VSIG10L2: variants seen among roughly 807,000 people sequenced by gnomAD.
VSIG10L2 encodes the protein V-set and immunoglobulin domain-containing protein 10-like 2.
In VSIG10L2, 56 loss-of-function variants were observed where a neutral mutation model predicts 67.1. The ratio of observed to expected loss-of-function variants is 0.83; its 90% CI spans 0.67 to 1.04. VSIG10L2 has a LOEUF of 1.04. Among genes scored for constraint, VSIG10L2 ranks in the 50% least tolerant of loss-of-function variants. The pLI is 0.00. For synonymous variants in VSIG10L2, 360 were observed against 396.6 expected (o/e 0.91, Z 1.10); for missense variants, 843 against 932.8 (o/e 0.90, Z 1.25).
chr11:125,951,892 T>C lies in VSIG10L2; in HGVS notation c.1314T>C (p.Pro438=), dbSNP rs765535481. 1.3e-6 allele frequency: 2 copies of C among 1,535,002 alleles called. No homozygotes were observed. Among genetic ancestry groups the C allele is most frequent in the Non-Finnish European group, 1.7e-6 (2 of 1,146,226 alleles). The change falls in exon 6 of 12, where the codon CCT becomes CCC. Residue 438 remains proline, a synonymous_variant. Transcript: ENST00000686984. The stretch of plus-strand genomic sequence containing the variant: ...TCATCATGCTGAGCTGCGAGTGGCC[T>C]GGCGGCGAGCCCCCTGCCACGCTGG... ...DQFIMLSCEW[P]GGEPPATLGW...
intron 7 of VSIG10L2, 112 bp from the exon 8 acceptor site, chr11:125,953,975 C>A: frequency 1.1e-6 from 1 of 949,636 alleles, no homozygotes; most frequent in Non-Finnish European, 1.4e-6. Flanking sequence ...GACCCCAATC[C>A]AGTGCCTTGT....
chr11:125,951,776 C>T (rs1945375385), intron 5 of VSIG10L2, 37 bp from the exon 6 acceptor site: 1 of 1,443,622 alleles, frequency 6.9e-7, no homozygotes, highest in Non-Finnish European at 9.1e-7. Context: ...GCCCTTCCTC[C>T]TTCCACAGGG....
chr11:125,947,946 G>A lies in VSIG10L2; in HGVS notation c.343G>A (p.Gly115Ser). 1 of 1,232,334 alleles carries A rather than the reference G, an allele frequency of 8.1e-7. No individual in the cohort carries two copies. The highest frequency in any genetic ancestry group is 1.0e-6 in the Non-Finnish European group (1 of 988,098). 76.3% of individuals were successfully genotyped at this position (1,232,334 alleles called of 1,614,324 possible). ...CCTGGTGCTGGGGGAGCTTCACGAG[G>A]GTGCCCGTGGCCACTTCCTATGCCA... is the stretch of plus-strand genomic sequence containing the variant. ...SSLVLGELHE[G>S]ARGHFLCQVL... The change falls in exon 2 of 12, where the codon GGT (glycine) becomes AGT (serine). Residue 115 changes from glycine to serine, a missense_variant. This residue lies in a region of VSIG10L2 where 446 missense variants were observed against 548.4 expected (regional missense o/e 0.81). Coordinates refer to ENST00000686984, the MANE Select transcript of VSIG10L2 (RefSeq NM_001365077.2).
At chr11:125,952,204 G>C (rs1945387770) in intron 6 of VSIG10L2, 131 bp downstream of exon 6, 1 of 1,267,818 alleles carries the variant, frequency 7.9e-7, no homozygotes, top group Non-Finnish European at 1.0e-6. Flanking sequence ...GGGAAGCTAG[G>C]AGGTAGTTAG....
rs1049884323 is a variant in VSIG10L2, at chr11:125,955,712, C to T, written c.2284+45C>T. The T allele has an allele frequency of 3.4e-6, 5 of 1,477,676 alleles. No homozygotes were observed. The Admixed American group carries it at 5.9e-5, about 17-fold the overall frequency. 91.5% of individuals were successfully genotyped at this position (1,477,676 alleles called of 1,614,324 possible). On this transcript the variant is annotated intron_variant, in intron 11 of 11. Coordinates refer to ENST00000686984, the MANE Select transcript of VSIG10L2 (RefSeq NM_001365077.2). ...AAAGACGACTCGTGTACAAGGAGAC[C>T]AGTGCTGGGTGCTGAGGGTGATGCT...
chr11:125,953,700 G>T lies in VSIG10L2; in HGVS notation c.1786+10G>T. Reference sequence around the variant, plus strand: ...CTGCTGGAGGTCCTGAGTGAGTGAGGGGTTGAATGCGTGTGTGTGGTGAGG... The same window carrying T: ...CTGCTGGAGGTCCTGAGTGAGTGAGTGGTTGAATGCGTGTGTGTGGTGAGG... On this transcript the variant is annotated intron_variant, in intron 7 of 11. Coordinates refer to ENST00000686984, the MANE Select transcript of VSIG10L2 (RefSeq NM_001365077.2). 1 of 1,232,234 alleles carries T rather than the reference G, an allele frequency of 8.1e-7. No individual in the cohort carries two copies. The highest frequency in any genetic ancestry group is 4.1e-5 in the South Asian group (1 of 24,302). 76.3% of individuals were successfully genotyped at this position (1,232,234 alleles called of 1,614,324 possible).
At chr11:125,953,997 G>C (rs1945415102) in intron 7 of VSIG10L2, 90 bp from the exon 8 acceptor site, 1 of 1,105,166 alleles carries the variant, frequency 9.0e-7, no homozygotes, top group African/African-American at 1.6e-5. Flanking sequence ...CACACTGCCA[G>C]GCTGTCTCTT....
At chr11:125,954,601 G>A (rs969308789) in intron 8 of VSIG10L2, among the ~76,000 whole-genome samples, 2 of 152,152 alleles carry the variant, frequency 1.3e-5, no homozygotes, top group African/African-American at 4.8e-5. Context: ...GCTCCAGGCT[G>A]AGGGTTAGGA....
chr11:125,955,343 C>T (rs1245424587), intron 9 of VSIG10L2, among the ~76,000 whole-genome samples, 139 bp from the exon 10 acceptor site: 8 of 152,194 alleles, frequency 5.3e-5, no homozygotes, highest in African/African-American at 1.9e-4. Context: ...GGCTCTAACC[C>T]CCAACCCAGG....
In VSIG10L2 at chr11:125,950,996, C is replaced by T. The variant is rs1029857844; in HGVS notation, c.1072C>T (p.Pro358Ser). Residue 358 changes from proline (P) to serine (S), a missense_variant, in exon 5 of 12, where the codon CCT (proline) becomes TCT (serine). Coordinates refer to ENST00000686984, the MANE Select transcript of VSIG10L2 (RefSeq NM_001365077.2). ...LLCAWPGGLP[P>S]AQLQWEGPQG... is the part of the protein sequence containing the mutation. ...CTGTGCCTGGCCTGGGGGGCTTCCG[C>T]CTGCCCAACTGCAGTGGGAAGGGCC... 11 of 1,232,288 alleles carry T rather than the reference C, an allele frequency of 8.9e-6. No individual in the cohort carries two copies. In the African/African-American group the frequency reaches 1.6e-4, roughly 17 times the overall value. 76.3% of individuals were successfully genotyped at this position (1,232,288 alleles called of 1,614,324 possible).
Position 125,951,023 on chromosome 11 carries a change from C to G in VSIG10L2, c.1099C>G (p.Gln367Glu). Residue 367 changes from glutamine to glutamate, a missense_variant, in exon 5 of 12, where the codon CAG becomes GAG. Around this residue, in one of 2 missense-constraint regions of VSIG10L2, gnomAD observed 446 missense variants for 548.4 expected, o/e 0.81. Coordinates refer to ENST00000686984, the MANE Select transcript of VSIG10L2 (RefSeq NM_001365077.2). ...PPAQLQWEGP[Q>E]GPGPTAPSNV... ...TGCCCAACTGCAGTGGGAAGGGCCT[C>G]AGGGACCTGGCCCTACTGCCCCCAG... is the stretch of plus-strand genomic sequence containing the variant. 8.1e-7 allele frequency: 1 copy of G among 1,232,490 alleles called. No individual in the cohort carries two copies. Among genetic ancestry groups the G allele is most frequent in the Non-Finnish European group, 1.0e-6 (1 of 988,234 alleles). 76.3% of individuals were successfully genotyped at this position (1,232,490 alleles called of 1,614,324 possible).
chr11:125,953,350 T>G, intron 6 of VSIG10L2, 50 bp from the exon 7 acceptor site: 2 of 1,228,958 alleles, frequency 1.6e-6, no homozygotes, highest in Non-Finnish European at 2.0e-6. Context: ...GGCCAGCACC[T>G]TGTCCCCAAG....
chr11:125,952,663 T>C (rs1203310362), intron 6 of VSIG10L2, among the ~76,000 whole-genome samples: 1 of 152,258 alleles, frequency 6.6e-6, no homozygotes, highest in Admixed American at 6.5e-5. Context: ...CAGAAGTCAG[T>C]TCTCTACCTC....
intron 8 of VSIG10L2, among the ~76,000 whole-genome samples, chr11:125,954,680 C>G (rs1945428635): frequency 6.6e-6 from 1 of 152,204 alleles, no homozygotes; most frequent in South Asian, 2.1e-4. Flanking sequence ...GGAGCCGACT[C>G]TGTGCCTCAG....
rs374706653 is a variant in VSIG10L2 at position 125,956,042 on chromosome 11, A to G, written c.*128A>G. 1.5e-6 allele frequency: 1 copy of G among 677,808 alleles called. No homozygotes were observed. 42.0% of individuals were successfully genotyped at this position (677,808 alleles called of 1,614,324 possible). ...CAACTACCACTTTCACTTAATACCC[A>G]GTCTTCACAACTGGTACAAGGCCCA... On this transcript the variant is annotated 3_prime_UTR_variant, in exon 12 of 12. Coordinates refer to ENST00000686984, the MANE Select transcript of VSIG10L2 (RefSeq NM_001365077.2).
intron 8 of VSIG10L2, among the ~76,000 whole-genome samples, chr11:125,954,811 T>C (rs371589554): frequency 6.6e-4 from 101 of 152,272 alleles, no homozygotes; most frequent in African/African-American, 2.3e-3. Context: ...ACCAACCTTT[T>C]GTCTTCTGCA....
intron 3 of VSIG10L2, 64 bp downstream of exon 3, chr11:125,948,644 C>T: frequency 4.1e-6 from 5 of 1,226,778 alleles, no homozygotes; most frequent in Non-Finnish European, 5.1e-6. Context: ...CACACTCAGC[C>T]TTCCACACCT....
At chr11:125,949,042 A>G (rs1945330707) in intron 3 of VSIG10L2, among the ~76,000 whole-genome samples, 1 of 152,228 alleles carries the variant, frequency 6.6e-6, no homozygotes, top group Non-Finnish European at 1.5e-5. Flanking sequence ...GCAGCCACGC[A>G]TGTGTATCTT....
Position 125,954,101 on chromosome 11 carries a change from C to T in VSIG10L2, c.1801C>T (p.Pro601Ser). Residue 601 changes from proline (P) to serine (S), a missense_variant, in exon 8 of 12, where the codon CCC becomes TCC. This residue lies in a region of VSIG10L2 where 397 missense variants were observed against 384.4 expected (regional missense o/e 1.03). Coordinates refer to ENST00000686984, the MANE Select transcript of VSIG10L2 (RefSeq NM_001365077.2). ...LLEVLRYPAPPNVTISRLTYG... is the reference protein window; with the variant it reads ...LLEVLRYPAPSNVTISRLTYG... ...CCCTCACCCAGGATATCCAGCTCCT[C>T]CCAATGTCACCATCAGCCGCCTGAC... 3.2e-6 allele frequency: 4 copies of T among 1,232,228 alleles called. 1 individual carries two copies. Among genetic ancestry groups the T allele is most frequent in the Non-Finnish European group, 4.0e-6 (4 of 988,050 alleles). The allele number at this position is 1,232,228 out of a possible 1,614,324, so 76.3% of individuals were successfully genotyped here.
Sources: allele counts gnomAD v4.1 joint callset (sites outside exome capture counted in the v4.1 genomes callset), GRCh38; gene constraint gnomAD v4.1.1; regional missense constraint gnomAD v4.1.1; transcripts MANE v1.5; gene names NCBI Gene and HGNC (gene_info 2026-07-23, HGNC 2026-07-21).